Variants in TGFBR3 observed in about 807,000 individuals in gnomAD.
TGFBR3 encodes the protein transforming growth factor beta receptor 3.
In TGFBR3, 46 loss-of-function variants were observed where a neutral mutation model predicts 87.9. That is an observed-to-expected ratio of 0.52 (90% CI 0.41 to 0.67). TGFBR3 has a LOEUF of 0.67. Ranked by LOEUF, TGFBR3 falls within the 30% of genes least tolerant of loss-of-function variation. TGFBR3 has a pLI of 0.00. For synonymous variants in TGFBR3, 381 were observed against 391.6 expected, an observed-to-expected ratio of 0.97 and a Z score of 0.32; for missense variants, 866 against 1,041.9, an observed-to-expected ratio of 0.83 and a Z score of 2.32.
At chr1:91,804,330 G>A (rs1453060760) in intron 2 of TGFBR3, among the ~76,000 whole-genome samples, 1 of 152,134 alleles carries the variant, frequency 6.6e-6, no homozygotes, top group African/African-American at 2.4e-5. Flanking sequence ...ACACTCTTCT[G>A]GCCAATCCCC....
At chr1:91,779,111 T>A (rs1674677262) in intron 3 of TGFBR3, among the ~76,000 whole-genome samples, 1 of 152,156 alleles carries the variant, frequency 6.6e-6, no homozygotes, top group Non-Finnish European at 1.5e-5. Flanking sequence ...TGGTGGGGAT[T>A]GCGCATTTTC....
At chr1:91,905,511 C>G (rs567368859) in intron 1 of TGFBR3, among the ~76,000 whole-genome samples, 1 of 152,312 alleles carries the variant, frequency 6.6e-6, no homozygotes, top group East Asian at 1.9e-4. Flanking sequence ...CGGCTCACTG[C>G]AACGTCGGCC....
In TGFBR3 at chr1:91,734,760, G is replaced by A. The variant is rs1386361131; in HGVS notation, c.568+16C>T. ...TGTCATAAATCAGTCATTAACTGAA[G>A]CCACATAAAATTTACCTTCCCCCAC... On this transcript the variant is annotated intron_variant, in intron 5 of 16. Transcript: ENST00000212355. 3.1e-6 allele frequency: 5 copies of A among 1,613,504 alleles called. No individual in the cohort carries two copies. The highest frequency in any genetic ancestry group is 1.3e-5 in the African/African-American group (1 of 74,934).
chr1:91,762,463 G>A (rs1674007256), intron 3 of TGFBR3, among the ~76,000 whole-genome samples: 1 of 152,160 alleles, frequency 6.6e-6, no homozygotes. Context: ...GTCTTAAGAT[G>A]TCATCCTTTC....
intron 2 of TGFBR3, among the ~76,000 whole-genome samples, chr1:91,813,801 A>G (rs1472518751): frequency 1.3e-5 from 2 of 152,230 alleles, no homozygotes; most frequent in East Asian, 3.9e-4. Context: ...TTCATGGAAG[A>G]CAGTTTTTCC....
At chr1:91,727,618 A>G in intron 7 of TGFBR3, 41 bp downstream of exon 7, 1 of 1,611,700 alleles carries the variant, frequency 6.2e-7, no homozygotes, top group Non-Finnish European at 8.5e-7. Flanking sequence ...AATTGTTGTC[A>G]TTTATCTAAA....
intron 3 of TGFBR3, chr1:91,786,093 T>C (rs375206867): frequency 7.6e-5 from 32 of 420,960 alleles, no homozygotes; most frequent in African/African-American, 6.4e-4. Context: ...ATATTAGTCA[T>C]ATTATTTGTC....
In TGFBR3 at chr1:91,759,565, G is replaced by A. The variant is rs77203283; in HGVS notation, c.247-815C>T. Among the ~76,000 whole-genome samples, 149 of 152,184 alleles carry A rather than the reference G, an allele frequency of 9.8e-4. No individual in the cohort carries two copies. In the East Asian group the frequency reaches 0.026, roughly 27 times the overall value. On this transcript the variant is annotated intron_variant, in intron 3 of 16. Coordinates refer to ENST00000212355, the MANE Select transcript of TGFBR3 (RefSeq NM_003243.5). ...TCAACAAAGTCCTCTTGGCACACATGAGCCCAGGGCAACATGAACATAGGA... is the reference window on the plus strand; with the variant it reads ...TCAACAAAGTCCTCTTGGCACACATAAGCCCAGGGCAACATGAACATAGGA...
chr1:91,734,658 C>T, intron 5 of TGFBR3, 118 bp downstream of exon 5: 1 of 1,297,590 alleles, frequency 7.7e-7, no homozygotes. Context: ...CCCCTCAGGT[C>T]CCTTCCAGGT....
At chr1:91,700,480 T>C (rs1339005238) in intron 14 of TGFBR3, among the ~76,000 whole-genome samples, 1 of 152,212 alleles carries the variant, frequency 6.6e-6, no homozygotes, top group East Asian at 1.9e-4. Context: ...ACATGAGTTA[T>C]CAATGTCTGG....
At chr1:91,895,269 G>A (rs568015528) in intron 2 of TGFBR3, among the ~76,000 whole-genome samples, 14 of 152,078 alleles carry the variant, frequency 9.2e-5, no homozygotes, top group East Asian at 1.9e-4. Flanking sequence ...GAGTTCTTGC[G>A]AGATCTAATC....
At chr1:91,875,533 G>A (rs932094506) in intron 1 of TGFBR3, among the ~76,000 whole-genome samples, 4 of 151,688 alleles carry the variant, frequency 2.6e-5, no homozygotes, top group African/African-American at 9.7e-5. Flanking sequence ...AGAGGGGAGA[G>A]GAGAGGAGGA....
intron 2 of TGFBR3, among the ~76,000 whole-genome samples, chr1:91,800,366 A>C (rs1675573114): frequency 6.8e-6 from 1 of 147,900 alleles, no homozygotes; most frequent in African/African-American, 2.5e-5. Flanking sequence ...ATATAAAAGC[A>C]GTTGTGGTGG....
chr1:91,755,593 T>C (rs1400675717), intron 4 of TGFBR3, among the ~76,000 whole-genome samples: 1 of 152,210 alleles, frequency 6.6e-6, no homozygotes, highest in Non-Finnish European at 1.5e-5. Context: ...TCTCCTTACA[T>C]GGGATTGATC....
chr1:91,758,547 G>A, intron 4 of TGFBR3, 66 bp downstream of exon 4: 1 of 1,589,060 alleles, frequency 6.3e-7, no homozygotes, highest in Admixed American at 1.7e-5. Context: ...TGAAAAGTTT[G>A]GCAAAGTTTA....
intron 1 of TGFBR3, among the ~76,000 whole-genome samples, chr1:91,879,835 TC>T (rs1343107798): frequency 6.6e-6 from 1 of 152,160 alleles, no homozygotes; most frequent in Non-Finnish European, 1.5e-5. Context: ...AATTTTATAT[TC>T]CTAGATTTAT....
chr1:91,898,044 TAA>T (rs11331075), intron 2 of TGFBR3, among the ~76,000 whole-genome samples: 48,900 of 148,588 alleles, frequency 0.33, 9,169 homozygotes, highest in Admixed American at 0.44. Flanking sequence ...GTTTTCAATT[TAA>T]AAAAAAAAAA....
chr1:91,746,782 T>C (rs542531924), intron 4 of TGFBR3, among the ~76,000 whole-genome samples: 4 of 152,178 alleles, frequency 2.6e-5, no homozygotes, highest in East Asian at 1.9e-4. Context: ...GAGAAGGAAA[T>C]TGAAGCTGAC....
rs986565888 is a variant in TGFBR3, at chr1:91,681,832, T to C, written c.*1907A>G. On this transcript the variant is annotated 3_prime_UTR_variant, in exon 17 of 17. Coordinates refer to ENST00000212355, the MANE Select transcript of TGFBR3 (RefSeq NM_003243.5). ...TGAAACAATACATTCCACCGAAGGT[T>C]AGGCAAAGCGCAATATTTTCAAACA... 1 of 453,498 alleles carries C rather than the reference T, an allele frequency of 2.2e-6. No homozygotes were observed. Among genetic ancestry groups the C allele is most frequent in the Non-Finnish European group, 4.4e-6 (1 of 226,650 alleles). 28.1% of individuals were successfully genotyped at this position (453,498 alleles called of 1,614,324 possible).
Sources: allele counts gnomAD v4.1 joint callset (sites outside exome capture counted in the v4.1 genomes callset), GRCh38; gene constraint gnomAD v4.1.1; transcripts MANE v1.5; gene names NCBI Gene and HGNC (gene_info 2026-07-23, HGNC 2026-07-21).